The following ZNF804A variants were observed in gnomAD, a reference collection of about 807,000 sequenced individuals.
ZNF804A encodes the protein zinc finger protein 804A.
ZNF804A carries 2 observed loss-of-function variants against 16.5 expected under a neutral mutation model. The ratio of observed to expected loss-of-function variants is 0.12; its 90% confidence interval spans 0.05 to 0.38. The LOEUF (loss-of-function observed/expected upper bound fraction) is 0.38, where lower values mean the gene tolerates loss of function less well. ZNF804A is among the 10% of genes least tolerant of loss of function. The probability of loss-of-function intolerance (pLI) is 0.99; values close to 1 mark genes in which losing one functional copy is unlikely to be tolerated. For synonymous variants in ZNF804A, 534 were observed against 489.6 expected, an observed-to-expected ratio of 1.09 and a Z score of -1.20; for missense variants, 1,473 against 1,390.7, an observed-to-expected ratio of 1.06 and a Z score of -0.94.
intron 1 of ZNF804A, among the ~76,000 whole-genome samples, chr2:184,651,322 C>T (rs1386415672): frequency 6.6e-6 from 1 of 152,016 alleles, no homozygotes; most frequent in African/African-American, 2.4e-5. Flanking sequence ...AATGTAAGAC[C>T]TCAAATTTTA....
chr2:184,867,477 C>A (rs979413039), intron 2 of ZNF804A, among the ~76,000 whole-genome samples: 1 of 151,878 alleles, frequency 6.6e-6, no homozygotes, highest in Non-Finnish European at 1.5e-5. Context: ...GTGTGTACTT[C>A]CTTTGCTGTC....
At chr2:184,685,446 C>A (rs1306630215) in intron 1 of ZNF804A, among the ~76,000 whole-genome samples, 4 of 152,078 alleles carry the variant, frequency 2.6e-5, no homozygotes, top group African/African-American at 9.7e-5. Flanking sequence ...GTTTGTGTTA[C>A]AGCTCTTTCA....
intron 1 of ZNF804A, among the ~76,000 whole-genome samples, chr2:184,862,279 G>A (rs567810466): frequency 6.6e-6 from 1 of 152,286 alleles, no homozygotes; most frequent in South Asian, 2.1e-4. Context: ...GTCATGGAAC[G>A]TGTCAGCCTA....
intron 2 of ZNF804A, among the ~76,000 whole-genome samples, chr2:184,922,018 C>T (rs2105837201): frequency 6.6e-6 from 1 of 152,148 alleles, no homozygotes; most frequent in Non-Finnish European, 1.5e-5. Flanking sequence ...CATTTATCTG[C>T]TGATGGAGAC....
chr2:184,847,205 T>C (rs545897474), intron 1 of ZNF804A, among the ~76,000 whole-genome samples: 19 of 152,268 alleles, frequency 1.2e-4, no homozygotes, highest in South Asian at 1.0e-3. Context: ...TGATATTCAA[T>C]ACACAGCCTT....
At chr2:184,619,968 T>C (rs901088425) in intron 1 of ZNF804A, among the ~76,000 whole-genome samples, 2 of 151,864 alleles carry the variant, frequency 1.3e-5, no homozygotes, top group African/African-American at 2.4e-5. Context: ...AAATCAAATA[T>C]ACATTTCTCA....
intron 2 of ZNF804A, among the ~76,000 whole-genome samples, chr2:184,929,222 G>A (rs1014816709): frequency 6.6e-6 from 1 of 152,080 alleles, no homozygotes; most frequent in African/African-American, 2.4e-5. Flanking sequence ...AACAGTATTG[G>A]CATTTAATAA....
chr2:184,754,604 C>T (rs1457031939), intron 1 of ZNF804A, among the ~76,000 whole-genome samples: 1 of 151,704 alleles, frequency 6.6e-6, no homozygotes, highest in African/African-American at 2.4e-5. Context: ...AGGTAAATAT[C>T]TCGAATTGAA....
intron 2 of ZNF804A, among the ~76,000 whole-genome samples, chr2:184,907,038 G>A (rs1013808112): frequency 2.0e-5 from 3 of 152,096 alleles, no homozygotes; most frequent in African/African-American, 7.2e-5. Flanking sequence ...ACTGAATCCT[G>A]CCAACAACAT....
At chr2:184,725,890 A>C (rs1693401110) in intron 1 of ZNF804A, among the ~76,000 whole-genome samples, 1 of 151,676 alleles carries the variant, frequency 6.6e-6, no homozygotes. Flanking sequence ...ATAGTTTCTG[A>C]ATCTTTTGAG....
intron 1 of ZNF804A, among the ~76,000 whole-genome samples, chr2:184,644,033 C>G (rs1192315574): frequency 6.6e-6 from 1 of 151,594 alleles, no homozygotes; most frequent in Admixed American, 6.6e-5. Flanking sequence ...TCTCAAACTA[C>G]CTTAAAATGC....
At chr2:184,773,741 G>A (rs781659072) in intron 1 of ZNF804A, among the ~76,000 whole-genome samples, 8 of 151,650 alleles carry the variant, frequency 5.3e-5, no homozygotes, top group East Asian at 1.9e-4. Context: ...CTCAGAAATC[G>A]CCACTAAAGA....
In ZNF804A at chr2:184,630,847, A is replaced by G. The variant is rs1691594854; in HGVS notation, c.111+31777A>G. 2.6e-5 allele frequency among the ~76,000 whole-genome samples: 4 copies of G among 152,234 alleles called. No homozygotes were observed. The South Asian group carries it at 8.3e-4, about 32-fold the overall frequency. ...GGAAATTCATTTTTAAACAGATATAAATAAAATCTGTCATTTTAAAAAAAA... is the reference window on the plus strand; with the variant it reads ...GGAAATTCATTTTTAAACAGATATAGATAAAATCTGTCATTTTAAAAAAAA... On this transcript the variant is annotated intron_variant, in intron 1 of 3. Transcript: ENST00000302277.
intron 1 of ZNF804A, among the ~76,000 whole-genome samples, chr2:184,647,602 A>G (rs1400648640): frequency 6.6e-6 from 1 of 152,242 alleles, no homozygotes; most frequent in Non-Finnish European, 1.5e-5. Context: ...AATAAAATAT[A>G]AAGATTTATC....
rs535114132 is a variant in ZNF804A, at chr2:184,647,802, G to A, written c.111+48732G>A. ...GAGAAAGAAAAAAGGTAAACCACCT[G>A]GAATACATATGTGAGTTAATAATTC... On this transcript the variant is annotated intron_variant, in intron 1 of 3. Coordinates refer to ENST00000302277, the MANE Select transcript of ZNF804A (RefSeq NM_194250.2). Among the ~76,000 whole-genome samples the A allele has an allele frequency of 5.9e-5, 9 of 152,264 alleles. No individual in the cohort carries two copies. The South Asian group carries it at 1.9e-3, about 32-fold the overall frequency.
intron 1 of ZNF804A, among the ~76,000 whole-genome samples, chr2:184,733,159 G>T (rs974673916): frequency 6.6e-6 from 1 of 152,054 alleles, no homozygotes; most frequent in Non-Finnish European, 1.5e-5. Flanking sequence ...GCTAGCTATA[G>T]ATTTATTGTG....
chr2:184,783,865 G>C (rs1694408995), intron 1 of ZNF804A, among the ~76,000 whole-genome samples: 1 of 151,926 alleles, frequency 6.6e-6, no homozygotes, highest in African/African-American at 2.4e-5. Context: ...ATTACAGAAA[G>C]TGGTTTGTCA....
intron 1 of ZNF804A, among the ~76,000 whole-genome samples, chr2:184,719,094 G>T (rs1484002788): frequency 6.6e-6 from 1 of 152,180 alleles, no homozygotes; most frequent in Non-Finnish European, 1.5e-5. Context: ...TCAAACCCCA[G>T]TTCTTGACTT....
At chr2:184,716,066 G>A (rs986473914) in intron 1 of ZNF804A, among the ~76,000 whole-genome samples, 24 of 152,102 alleles carry the variant, frequency 1.6e-4, no homozygotes, top group Non-Finnish European at 4.4e-5. Context: ...TAAATAGTGA[G>A]TTGTGTTTAA....
Sources: gnomAD v4.1 joint callset for allele counts (sites outside exome capture counted in the v4.1 genomes callset) on GRCh38, gnomAD v4.1.1 for gene constraint, MANE v1.5 for transcripts, NCBI Gene and HGNC (gene_info 2026-07-23, HGNC 2026-07-21) for gene names.